The following SMARCC1 variants were observed in gnomAD, a reference collection of about 807,000 sequenced individuals.
SMARCC1 encodes the protein SWI/SNF complex subunit SMARCC1.
A neutral mutation model predicts 147.4 loss-of-function variants in SMARCC1; 43 were observed. The observed-to-expected ratio is 0.29, with a 90% CI of 0.23 to 0.38. The LOEUF is 0.38. Among genes scored for constraint, SMARCC1 ranks in the 10% least tolerant of loss-of-function variants. The pLI is 1.00. For synonymous variants in SMARCC1, 495 were observed against 484.4 expected, an observed-to-expected ratio of 1.02 and a Z score of -0.29; for missense variants, 1,119 against 1,381.1, an observed-to-expected ratio of 0.81 and a Z score of 3.01.
intron 21 of SMARCC1, among the ~76,000 whole-genome samples, chr3:47,647,462 T>C (rs558895556): frequency 1.3e-5 from 2 of 152,344 alleles, no homozygotes; most frequent in East Asian, 1.9e-4. Context: ...GTGTATTAAA[T>C]GCATTTTTGA....
At chr3:47,659,271 T>A (rs983367686) in intron 21 of SMARCC1, among the ~76,000 whole-genome samples, 7 of 128,326 alleles carry the variant, frequency 5.5e-5, no homozygotes, top group East Asian at 4.5e-4. Context: ...TAAAAATAAA[T>A]AAATAAAAAA....
chr3:47,684,203 G>A (rs1194322503), intron 14 of SMARCC1, among the ~76,000 whole-genome samples: 1 of 147,046 alleles, frequency 6.8e-6, no homozygotes, highest in Non-Finnish European at 1.5e-5. Context: ...TCCCGCCACT[G>A]CAGTCCAGCC....
chr3:47,726,183 C>T (rs2034298504), intron 6 of SMARCC1, among the ~76,000 whole-genome samples: 1 of 150,804 alleles, frequency 6.6e-6, no homozygotes, highest in African/African-American at 2.4e-5. Context: ...TGCTTGATAC[C>T]AGGAGTTCAA....
At chr3:47,750,163 C>T (rs1257600335) in intron 2 of SMARCC1, among the ~76,000 whole-genome samples, 5 of 148,614 alleles carry the variant, frequency 3.4e-5, no homozygotes, top group South Asian at 2.2e-4. Context: ...AGGCTGGGCG[C>T]GGTGGCTCAC....
At chr3:47,711,785 G>A (rs576470522) in intron 8 of SMARCC1, among the ~76,000 whole-genome samples, 1 of 152,252 alleles carries the variant, frequency 6.6e-6, no homozygotes, top group African/African-American at 2.4e-5. Context: ...CCTCTCCCTT[G>A]AAAACTATAG....
At chr3:47,684,445 T>C (rs990501397) in intron 14 of SMARCC1, among the ~76,000 whole-genome samples, 1 of 151,866 alleles carries the variant, frequency 6.6e-6, no homozygotes, top group Non-Finnish European at 1.5e-5. Context: ...TAGTAATTTT[T>C]TTTTTTTTTT....
intron 24 of SMARCC1, among the ~76,000 whole-genome samples, chr3:47,629,257 A>C (rs1385513239): frequency 6.6e-6 from 1 of 152,180 alleles, no homozygotes; most frequent in African/African-American, 2.4e-5. Flanking sequence ...AGAAGTTGTA[A>C]ATAGGAACCA....
At chr3:47,604,375 T>TATCATATCATATC (rs2032434508) in intron 26 of SMARCC1, 1 of 442,790 alleles carries the variant, frequency 2.3e-6, no homozygotes, top group Non-Finnish European at 4.5e-6. Context: ...ATTCCCATCA[T>TATCATATCATATC]ATATCATAAA....
At chr3:47,603,421 T>G (rs554674335) in intron 26 of SMARCC1, 30 of 150,150 alleles carry the variant, frequency 2.0e-4, no homozygotes, top group African/African-American at 7.4e-4. Flanking sequence ...AAACTCTGTC[T>G]AAAAAAAGAA....
intron 2 of SMARCC1, among the ~76,000 whole-genome samples, chr3:47,768,399 A>G (rs1441221391): frequency 6.6e-6 from 1 of 152,160 alleles, no homozygotes; most frequent in Non-Finnish European, 1.5e-5. Flanking sequence ...TTCTTCCCTA[A>G]TATTTTAAAA....
intron 19 of SMARCC1, among the ~76,000 whole-genome samples, chr3:47,669,793 T>C (rs1344789721): frequency 6.6e-6 from 1 of 152,150 alleles, no homozygotes; most frequent in Non-Finnish European, 1.5e-5. Context: ...TCTACAGTAA[T>C]TACAACTATT....
chr3:47,708,550 G>A (rs1411894959), intron 9 of SMARCC1, among the ~76,000 whole-genome samples: 1 of 152,094 alleles, frequency 6.6e-6, no homozygotes. Flanking sequence ...GTTAAATAAT[G>A]TAATATAGAA....
chr3:47,741,216 G>A (rs1006418979), intron 3 of SMARCC1, among the ~76,000 whole-genome samples: 8 of 151,594 alleles, frequency 5.3e-5, no homozygotes, highest in African/African-American at 1.9e-4. Flanking sequence ...GAAAAGAGAC[G>A]GAAGAGATAG....
intron 21 of SMARCC1, among the ~76,000 whole-genome samples, chr3:47,639,846 G>C (rs1375691191): frequency 6.6e-6 from 1 of 152,070 alleles, no homozygotes; most frequent in Non-Finnish European, 1.5e-5. Context: ...ATAAGATATA[G>C]AGCAGATATG....
chr3:47,654,101 AAAATGTGTT>A (rs2033227604), intron 21 of SMARCC1, among the ~76,000 whole-genome samples: 1 of 152,264 alleles, frequency 6.6e-6, no homozygotes, highest in Non-Finnish European at 1.5e-5. Context: ...ATCGTCTACC[AAAATGTGTT>A]TTCAAAACAT....
intron 6 of SMARCC1, among the ~76,000 whole-genome samples, chr3:47,723,753 C>T (rs1207373431): frequency 3.3e-5 from 5 of 151,806 alleles, no homozygotes; most frequent in South Asian, 4.2e-4. Flanking sequence ...GAGGTTGCAG[C>T]GAGCGGAGAC....
At chr3:47,602,194 A>G (rs1300075642) in intron 26 of SMARCC1, among the ~76,000 whole-genome samples, 6 of 152,236 alleles carry the variant, frequency 3.9e-5, no homozygotes, top group African/African-American at 1.4e-4. Flanking sequence ...CAGGTGGCTG[A>G]GGTGAGAGGA....
chr3:47,727,667 G>T (rs1202046747), intron 6 of SMARCC1, among the ~76,000 whole-genome samples: 1 of 151,548 alleles, frequency 6.6e-6, no homozygotes, highest in African/African-American at 2.4e-5. Flanking sequence ...CCGGGCTAGA[G>T]CGCAGTGGTG....
At chr3:47,659,135 A>AG (rs397724283) in intron 21 of SMARCC1, among the ~76,000 whole-genome samples, 1 of 150,230 alleles carries the variant, frequency 6.7e-6, no homozygotes, top group Non-Finnish European at 1.5e-5. Flanking sequence ...AAAAAAAAAA[A>AG]TGAGAGAGAG....
Sources: gnomAD v4.1 joint callset for allele counts (sites outside exome capture counted in the v4.1 genomes callset) on GRCh38, gnomAD v4.1.1 for gene constraint, MANE v1.5 for transcripts, NCBI Gene and HGNC (gene_info 2026-07-23, HGNC 2026-07-21) for gene names.